The following WDR70 variants were observed in gnomAD, a reference collection of about 807,000 sequenced individuals.
The protein encoded by WDR70 is WD repeat domain 70, also known as WD repeat-containing protein 70.
In WDR70, 53 loss-of-function variants were observed where a neutral mutation model predicts 88.6. The ratio of observed to expected loss-of-function variants is 0.60; its 90% CI spans 0.48 to 0.75. The LOEUF is 0.75. Ranked by LOEUF, WDR70 falls within the 30% of genes least tolerant of loss-of-function variation. The probability of loss-of-function intolerance (pLI) is 0.00; values close to 1 mark genes in which losing one functional copy is unlikely to be tolerated. For missense variants in WDR70, 610 were observed against 823.2 expected, an observed-to-expected ratio of 0.74 and a Z score of 3.17; for synonymous variants, 280 against 270.0, an observed-to-expected ratio of 1.04 and a Z score of -0.36.
chr5:37,689,921 A>C (rs1183196000), intron 10 of WDR70, among the ~76,000 whole-genome samples: 3 of 152,244 alleles, frequency 2.0e-5, no homozygotes, highest in African/African-American at 7.2e-5. Context: ...TCCGAGCTAA[A>C]GGAACATGTT....
intron 8 of WDR70, among the ~76,000 whole-genome samples, chr5:37,483,703 A>G: frequency 6.7e-6 from 1 of 149,610 alleles, no homozygotes; most frequent in African/African-American, 2.5e-5. Flanking sequence ...CCCACCTCCC[A>G]GACGGGGCGG....
chr5:37,696,381 A>AT (rs1232063343), intron 10 of WDR70, among the ~76,000 whole-genome samples: 9 of 152,030 alleles, frequency 5.9e-5, no homozygotes, highest in Non-Finnish European at 2.9e-5. Context: ...TCATTACTGG[A>AT]TTTTTTTAGG....
intron 8 of WDR70, chr5:37,506,316 A>G (rs940276044): frequency 8.7e-6 from 8 of 919,248 alleles, no homozygotes; most frequent in Non-Finnish European, 1.3e-5. Flanking sequence ...TAGGTGTTCA[A>G]TCAGTGAGTC....
At chr5:37,443,481 A>G (rs1167955582) in intron 7 of WDR70, 109 bp downstream of exon 7, 41 of 1,270,752 alleles carry the variant, frequency 3.2e-5, no homozygotes, top group Non-Finnish European at 4.5e-5. Context: ...ATCAAAATAC[A>G]TTACGTTTAT....
chr5:37,434,176 G>A (rs1210614628), intron 5 of WDR70, among the ~76,000 whole-genome samples: 1 of 152,034 alleles, frequency 6.6e-6, no homozygotes, highest in Non-Finnish European at 1.5e-5. Flanking sequence ...TGCAAGCAGG[G>A]GAAATGTCAA....
chr5:37,490,060 A>G (rs965610056), intron 8 of WDR70, among the ~76,000 whole-genome samples: 3 of 151,956 alleles, frequency 2.0e-5, no homozygotes, highest in South Asian at 2.1e-4. Flanking sequence ...ATGGCGTGCT[A>G]TGGTGCGGCA....
At chr5:37,566,091 C>T (rs1293639098) in intron 9 of WDR70, among the ~76,000 whole-genome samples, 1 of 151,958 alleles carries the variant, frequency 6.6e-6, no homozygotes, top group African/African-American at 2.4e-5. Flanking sequence ...AAAATGAAAC[C>T]CTGTATTCCT....
intron 9 of WDR70, among the ~76,000 whole-genome samples, chr5:37,556,671 A>G (rs1404607174): frequency 1.3e-5 from 2 of 152,210 alleles, no homozygotes; most frequent in Non-Finnish European, 2.9e-5. Flanking sequence ...AACCAGGCAG[A>G]TGCCTTGGGA....
chr5:37,751,983 A>T (rs1334676750), intron 17 of WDR70, among the ~76,000 whole-genome samples: 1 of 152,198 alleles, frequency 6.6e-6, no homozygotes, highest in Non-Finnish European at 1.5e-5. Flanking sequence ...TTATTTTTGC[A>T]GGCTCAAATT....
intron 10 of WDR70, among the ~76,000 whole-genome samples, chr5:37,617,100 A>G (rs754415226): frequency 6.6e-6 from 1 of 152,228 alleles, no homozygotes; most frequent in African/African-American, 2.4e-5. Flanking sequence ...TGCTTTTTAT[A>G]TATTTTAATT....
intron 9 of WDR70, 114 bp downstream of exon 9, chr5:37,516,704 AT>A (rs1448961363): frequency 4.2e-6 from 1 of 237,076 alleles, no homozygotes; most frequent in Non-Finnish European, 7.2e-6. Flanking sequence ...AGGAATTCTT[AT>A]TATATACATA....
chr5:37,480,010 T>G (rs1454507528), intron 8 of WDR70, 23 bp downstream of exon 8: 1 of 1,593,110 alleles, frequency 6.3e-7, no homozygotes, highest in Middle Eastern at 1.7e-4. Context: ...CAGAATATTT[T>G]AATGAATTAA....
In WDR70 at chr5:37,481,981, A is replaced by G. The variant is rs1420370930; in HGVS notation, c.840+1994A>G. Among the ~76,000 whole-genome samples the G allele has an allele frequency of 2.0e-5, 3 of 152,152 alleles. No homozygotes were observed. The East Asian group carries it at 5.8e-4, about 29-fold the overall frequency. On this transcript the variant is annotated intron_variant, in intron 8 of 17. Coordinates refer to ENST00000265107, the MANE Select transcript of WDR70 (RefSeq NM_018034.4). ...TGCCCTTTTCTAATACAGGGGCACAATGCCTCCAGTGTCTTTGCATAGTAA... is the reference window on the plus strand; with the variant it reads ...TGCCCTTTTCTAATACAGGGGCACAGTGCCTCCAGTGTCTTTGCATAGTAA...
chr5:37,678,088 A>T (rs1266199680), intron 10 of WDR70, among the ~76,000 whole-genome samples: 2 of 151,928 alleles, frequency 1.3e-5, no homozygotes, highest in African/African-American at 2.4e-5. Flanking sequence ...TGCTTGGTAG[A>T]TCTTCCTCCA....
chr5:37,563,080 A>AC lies in WDR70; in HGVS notation c.918-41976dup, dbSNP rs555291398. 8.9e-3 allele frequency among the ~76,000 whole-genome samples: 432 copies of AC among 48,528 alleles called. 93 individuals are homozygous for AC. Among genetic ancestry groups the AC allele is most frequent in the Admixed American group, 0.018 (76 of 4,332 alleles). 31.8% of individuals were successfully genotyped at this position (48,528 alleles called of 152,430 possible). Reference sequence around the variant, plus strand: ...GGGCGGCTGGCCGGGCGGGGGGCTGACCCCCCCCGCCTCCCTCCCGGACGG... The same window carrying AC: ...GGGCGGCTGGCCGGGCGGGGGGCTGACCCCCCCCCGCCTCCCTCCCGGACGG... On this transcript the variant is annotated intron_variant, in intron 9 of 17. Coordinates refer to ENST00000265107, the MANE Select transcript of WDR70 (RefSeq NM_018034.4).
intron 17 of WDR70, among the ~76,000 whole-genome samples, chr5:37,735,123 T>C (rs1453109926): frequency 6.6e-6 from 1 of 152,130 alleles, no homozygotes; most frequent in Non-Finnish European, 1.5e-5. Flanking sequence ...TTCCATCCCC[T>C]CCTGGCAAAT....
At chr5:37,744,576 A>G (rs1355594258) in intron 17 of WDR70, among the ~76,000 whole-genome samples, 1 of 152,096 alleles carries the variant, frequency 6.6e-6, no homozygotes, top group Non-Finnish European at 1.5e-5. Flanking sequence ...TAACCAGTTT[A>G]GAGAGGAACA....
At chr5:37,513,846 C>T (rs1017384550) in intron 8 of WDR70, among the ~76,000 whole-genome samples, 1 of 152,096 alleles carries the variant, frequency 6.6e-6, no homozygotes. Flanking sequence ...TTTCCCAGCC[C>T]ACTGACTCAA....
chr5:37,697,788 C>G, intron 11 of WDR70, 34 bp downstream of exon 11: 1 of 1,533,902 alleles, frequency 6.5e-7, no homozygotes, highest in Non-Finnish European at 9.0e-7. Context: ...ATGTATTTCT[C>G]TATATAAAAT....
Sources: allele counts gnomAD v4.1 joint callset (sites outside exome capture counted in the v4.1 genomes callset), GRCh38; gene constraint gnomAD v4.1.1; transcripts MANE v1.5; gene names NCBI Gene and HGNC (gene_info 2026-07-23, HGNC 2026-07-21).